The following LYG1 variants were observed in gnomAD, a reference collection of about 807,000 sequenced individuals.
LYG1 encodes the protein lysozyme g-like protein 1.
A neutral mutation model predicts 21.7 loss-of-function variants in LYG1; 17 were observed. The observed-to-expected ratio is 0.78, with a 90% CI of 0.54 to 1.18. The LOEUF is 1.18. Ranked by LOEUF, LYG1 falls within the 50% of genes most tolerant of loss-of-function variation. The pLI is 0.00. For missense variants in LYG1, 211 were observed against 238.1 expected (o/e 0.89, Z 0.75); for synonymous variants, 81 against 87.4 (o/e 0.93, Z 0.41).
chr2:99,302,654 T>C (rs546646746), upstream of LYG1, among the ~76,000 whole-genome samples: 1 of 152,294 alleles, frequency 6.6e-6, no homozygotes, highest in African/African-American at 2.4e-5. Flanking sequence ...AATGAATGAT[T>C]TAAAGCGTAT....
chr2:99,303,356 T>G (rs77124252), upstream of LYG1, among the ~76,000 whole-genome samples: 362 of 152,178 alleles, frequency 2.4e-3, 4 homozygotes, highest in African/African-American at 8.1e-3. Flanking sequence ...AAAAGCACCC[T>G]GTCATCAGCC....
chr2:99,285,298 T>A (rs1164027217), intron 5 of LYG1, among the ~76,000 whole-genome samples: 1 of 151,822 alleles, frequency 6.6e-6, no homozygotes, highest in African/African-American at 2.4e-5. Context: ...AGAGGATCAA[T>A]TGAGCCTGGG....
At chr2:99,289,693 A>AT (rs1648909165) in intron 5 of LYG1, among the ~76,000 whole-genome samples, 2 of 152,110 alleles carry the variant, frequency 1.3e-5, no homozygotes, top group African/African-American at 2.4e-5. Context: ...CCAGAAAGGG[A>AT]TTTTTCTGTC....
rs773750176 is a variant in LYG1, at chr2:99,291,403, C to T, written c.167G>A (p.Arg56Lys). The change falls in exon 5 of 7, where the codon AGG (arginine) becomes AAG (lysine). Residue 56 changes from arginine (R) to lysine (K), a missense_variant. Physicochemically the swap from Arg to Lys is conservative, Grantham distance 26. Coordinates refer to ENST00000308528, the MANE Select transcript of LYG1 (RefSeq NM_174898.3). ...GTATGGCATGTCTATTTCAGCCAGC[C>T]TTTCAGAAGCACGAACTCCTAAACC... Reference protein sequence around the residue: ...LNYCGVRASERLAEIDMPYLL... With the variant: ...LNYCGVRASEKLAEIDMPYLL... 3.1e-6 allele frequency: 5 copies of T among 1,613,978 alleles called. No individual in the cohort carries two copies. In the African/African-American group the frequency reaches 6.7e-5, roughly 22 times the overall value.
intron 2 of LYG1, among the ~76,000 whole-genome samples, 186 bp downstream of exon 2, chr2:99,298,273 A>C (rs976358565): frequency 6.6e-6 from 1 of 152,166 alleles, no homozygotes; most frequent in Non-Finnish European, 1.5e-5. Context: ...GATGTCAAGC[A>C]CAATGTTTAT....
chr2:99,291,100 C>T, intron 5 of LYG1, 137 bp downstream of exon 5: 1 of 736,556 alleles, frequency 1.4e-6, no homozygotes, highest in South Asian at 2.2e-5. Context: ...TCATATCTCT[C>T]AGGCAGAACT....
chr2:99,297,212 T>A (rs749117038), intron 2 of LYG1, among the ~76,000 whole-genome samples: 2 of 152,180 alleles, frequency 1.3e-5, no homozygotes, highest in Non-Finnish European at 2.9e-5. Context: ...CTTAGCTGGG[T>A]CTGCAGGAAC....
upstream of LYG1, chr2:99,301,278 A>G (rs1224491146): frequency 6.6e-6 from 1 of 152,114 alleles, no homozygotes; most frequent in Non-Finnish European, 1.5e-5. Flanking sequence ...GTTTCTTGCC[A>G]TACCTCAGAA....
Position 99,284,297 on chromosome 2 carries a change from A to G in LYG1, c.*96T>C. On this transcript the variant is annotated 3_prime_UTR_variant, in exon 7 of 7. Coordinates refer to ENST00000308528, the MANE Select transcript of LYG1 (RefSeq NM_174898.3). ...GTTATTTTAATGACTTTTAGGTCAA[A>G]CTCAGATTCCCAGTTACAGGTGCCC... The G allele has an allele frequency of 8.6e-6, 9 of 1,047,454 alleles. No homozygotes were observed. Among genetic ancestry groups the G allele is most frequent in the Non-Finnish European group, 1.3e-5 (9 of 695,578 alleles). The allele number at this position is 1,047,454 out of a possible 1,614,324, so 64.9% of individuals were successfully genotyped here.
At chr2:99,302,686 T>A (rs2094158037), upstream of LYG1, among the ~76,000 whole-genome samples, 1 of 152,158 alleles carries the variant, frequency 6.6e-6, no homozygotes, top group Non-Finnish European at 1.5e-5. Flanking sequence ...TGGAAGTCAC[T>A]CACTCTGCAT....
rs561240175 is a variant in LYG1 at position 99,292,706 on chromosome 2, T to C, written c.44-66A>G. 5.3e-6 allele frequency: 5 copies of C among 949,152 alleles called. No homozygotes were observed. In the African/African-American group the frequency reaches 8.1e-5, roughly 15 times the overall value. The allele number at this position is 949,152 out of a possible 1,614,324, so 58.8% of individuals were successfully genotyped here. ...TTCTCATCATTCTTCTGTCCATGAA[T>C]AAAATTACATTAATAAAAGTAACAA... is the stretch of plus-strand genomic sequence containing the variant. On this transcript the variant is annotated intron_variant, in intron 3 of 6. Coordinates refer to ENST00000308528, the MANE Select transcript of LYG1 (RefSeq NM_174898.3).
chr2:99,299,728 T>C (rs2094148586), intron 1 of LYG1, among the ~76,000 whole-genome samples: 1 of 151,956 alleles, frequency 6.6e-6, no homozygotes, highest in Non-Finnish European at 1.5e-5. Context: ...TTAAAATTAT[T>C]TTTAATTTTT....
upstream of LYG1, among the ~76,000 whole-genome samples, chr2:99,302,674 T>C (rs918973402): frequency 1.3e-5 from 2 of 152,130 alleles, no homozygotes; most frequent in Non-Finnish European, 2.9e-5. Context: ...TTTATGACTT[T>C]TTGGAAGTCA....
chr2:99,286,053 G>T (rs1212679170), intron 5 of LYG1, among the ~76,000 whole-genome samples: 1 of 152,014 alleles, frequency 6.6e-6, no homozygotes, highest in East Asian at 1.9e-4. Context: ...CAGGAGTGAG[G>T]CTGGTGGCTT....
chr2:99,304,607 A>G, upstream of LYG1: 1 of 152,338 alleles, frequency 6.6e-6, no homozygotes, highest in East Asian at 1.9e-4. Context: ...GATGGTACTA[A>G]GTCTGGAATG....
chr2:99,294,376 T>C (rs574672618), intron 3 of LYG1, among the ~76,000 whole-genome samples: 37 of 152,334 alleles, frequency 2.4e-4, no homozygotes, highest in African/African-American at 8.7e-4. Context: ...TAGAACTTTA[T>C]GGGGTTGATA....
At chr2:99,289,116 G>A (rs959237168) in intron 5 of LYG1, among the ~76,000 whole-genome samples, 1 of 152,076 alleles carries the variant, frequency 6.6e-6, no homozygotes, top group Non-Finnish European at 1.5e-5. Context: ...AGAGCTCCAG[G>A]TGTTCATATG....
At chr2:99,284,875 G>T in intron 5 of LYG1, 55 bp from the exon 6 acceptor site, 3 of 1,593,650 alleles carry the variant, frequency 1.9e-6, no homozygotes, top group Non-Finnish European at 2.6e-6. Flanking sequence ...AGGGTGATCC[G>T]GCTTACTGGG....
intron 5 of LYG1, 25 bp from the exon 6 acceptor site, chr2:99,284,845 A>G: frequency 6.2e-7 from 1 of 1,609,968 alleles, no homozygotes; most frequent in Non-Finnish European, 8.5e-7. Context: ...GCAGAGAAGA[A>G]GCCACGTAAG....
Sources: allele counts gnomAD v4.1 joint callset (sites outside exome capture counted in the v4.1 genomes callset), GRCh38; gene constraint gnomAD v4.1.1; transcripts MANE v1.5; gene names NCBI Gene and HGNC (gene_info 2026-07-23, HGNC 2026-07-21).